The following GPAM variants were observed in gnomAD, a reference collection of about 807,000 sequenced individuals.
The protein encoded by GPAM is glycerol-3-phosphate acyltransferase 1, mitochondrial.
GPAM carries 56 observed loss-of-function variants against 105.0 expected under a neutral mutation model. The ratio of observed to expected loss-of-function variants is 0.53; its 90% CI spans 0.43 to 0.67. GPAM has a LOEUF of 0.67. Ranked by LOEUF, GPAM falls within the 30% of genes least tolerant of loss-of-function variation. The pLI is 0.00. For synonymous variants in GPAM, 368 were observed against 354.4 expected, an observed-to-expected ratio of 1.04 and a Z score of -0.43; for missense variants, 855 against 989.8, an observed-to-expected ratio of 0.86 and a Z score of 1.83.
chr10:112,227,067 C>A, the GPAM span, among the ~76,000 whole-genome samples: 2 of 152,222 alleles, frequency 1.3e-5, no homozygotes, highest in Admixed American at 6.5e-5. Flanking sequence ...TTTCTCCCAA[C>A]ACCGTGACCC....
the GPAM span, among the ~76,000 whole-genome samples, chr10:112,224,288 A>C: frequency 6.6e-6 from 1 of 152,218 alleles, no homozygotes; most frequent in Non-Finnish European, 1.5e-5. Flanking sequence ...TATTTCATAC[A>C]CAATGATCAT....
At chr10:112,192,530 G>T (rs1399973889) in intron 1 of GPAM, among the ~76,000 whole-genome samples, 1 of 152,140 alleles carries the variant, frequency 6.6e-6, no homozygotes, top group Non-Finnish European at 1.5e-5. Context: ...GCAGGGCCTG[G>T]CCAAGACAGG....
Position 112,164,565 on chromosome 10 carries a change from A to G in GPAM, c.1267T>C (p.Ser423Pro). The G allele has an allele frequency of 1.2e-6, 2 of 1,607,600 alleles. No individual in the cohort carries two copies. Among genetic ancestry groups the G allele is most frequent in the Non-Finnish European group, 1.7e-6 (2 of 1,174,108 alleles). The change falls in exon 13 of 22, where the codon TCC becomes CCC. Residue 423 changes from serine to proline, a missense_variant. Physicochemically the swap from Ser to Pro is moderately conservative, Grantham distance 74. Coordinates refer to ENST00000348367, the MANE Select transcript of GPAM (RefSeq NM_001244949.2). Reference protein sequence around the residue: ...QSQKPVSALLSLEQALLPAIL... With the variant: ...QSQKPVSALLPLEQALLPAIL... The stretch of plus-strand genomic sequence containing the variant: ...GCTGGTAACAACGCTTGCTCCAGGG[A>G]AAGTAGAGCAGACACCGGTTTCTGA...
chr10:112,153,812 TG>T (rs1229357704), intron 21 of GPAM, 146 bp from the exon 22 acceptor site: 3 of 769,062 alleles, frequency 3.9e-6, no homozygotes, highest in Non-Finnish European at 6.2e-6. Flanking sequence ...AATGTATGCC[TG>T]GGTGTGTGTG....
upstream of GPAM, among the ~76,000 whole-genome samples, chr10:112,187,285 G>GA (rs1431040802): frequency 6.6e-6 from 1 of 151,528 alleles, no homozygotes; most frequent in African/African-American, 2.4e-5. Flanking sequence ...TGTCAGACTG[G>GA]AAAAAAAATG....
At chr10:112,156,706 A>G (rs963183274) in intron 19 of GPAM, 2 of 165,734 alleles carry the variant, frequency 1.2e-5, no homozygotes, top group African/African-American at 4.8e-5. Context: ...AAATGTCAAA[A>G]AAGAGTAATC....
Position 112,157,238 on chromosome 10 carries a change from C to T in GPAM, c.2121+11G>A, listed in dbSNP as rs1847033160. On this transcript the variant is annotated intron_variant, in intron 19 of 21. Transcript: ENST00000348367. Reference sequence around the variant, plus strand: ...CCCTGTAATATCCACCAGAATTCTTCACCCAAGTACCTTCAGGTAGCAATC... The same window carrying T: ...CCCTGTAATATCCACCAGAATTCTTTACCCAAGTACCTTCAGGTAGCAATC... 2 of 1,611,570 alleles carry T rather than the reference C, an allele frequency of 1.2e-6. No individual in the cohort carries two copies. Among genetic ancestry groups the T allele is most frequent in the Non-Finnish European group, 1.7e-6 (2 of 1,177,634 alleles).
At chr10:112,178,187 G>A in intron 4 of GPAM, 130 bp from the exon 5 acceptor site, 1 of 611,220 alleles carries the variant, frequency 1.6e-6, no homozygotes, top group South Asian at 1.9e-5. Flanking sequence ...TCTTAGGGAA[G>A]AAAAAAGTTT....
chr10:112,208,762 T>C (rs997043724), intron 1 of GPAM, among the ~76,000 whole-genome samples: 1 of 152,168 alleles, frequency 6.6e-6, no homozygotes, highest in African/African-American at 2.4e-5. Flanking sequence ...AAATTAAACA[T>C]AAATTGCCAA....
intron 16 of GPAM, chr10:112,160,399 TA>T: frequency 1.1e-6 from 1 of 947,512 alleles, no homozygotes; most frequent in Non-Finnish European, 1.3e-6. Context: ...AAAATAAGGG[TA>T]ATGCTATACA....
In GPAM at chr10:112,178,006, A is replaced by T; in HGVS notation, c.277T>A (p.Tyr93Asn). ...IPSLGLRNVI[Y>N]INETHTRHRG... ...TACCTTGTGTGAGTTTCATTGATAT[A>T]AATAACATTCCGCAAACCCAAAGAC... The change falls in exon 5 of 22, where the codon TAT becomes AAT. Residue 93 changes from tyrosine (Y) to asparagine (N), a missense_variant. By Grantham distance (143) the Tyr-to-Asn change is moderately radical. Coordinates refer to ENST00000348367, the MANE Select transcript of GPAM (RefSeq NM_001244949.2). 1 of 1,597,152 alleles carries T rather than the reference A, an allele frequency of 6.3e-7. No homozygotes were observed. The highest frequency in any genetic ancestry group is 8.6e-7 in the Non-Finnish European group (1 of 1,164,896).
intron 1 of GPAM, among the ~76,000 whole-genome samples, chr10:112,190,295 A>G (rs1405703112): frequency 6.6e-6 from 1 of 151,968 alleles, no homozygotes; most frequent in Non-Finnish European, 1.5e-5. Context: ...CACAGGGTCT[A>G]GAGATCAAGA....
chr10:112,170,323 G>A (rs1235758880), intron 9 of GPAM, among the ~76,000 whole-genome samples: 1 of 152,196 alleles, frequency 6.6e-6, no homozygotes, highest in Non-Finnish European at 1.5e-5. Context: ...CTGAGAAGTG[G>A]TTTGTGAATG....
chr10:112,158,479 C>A (rs1847059271), intron 17 of GPAM, 86 bp from the exon 18 acceptor site: 11 of 831,938 alleles, frequency 1.3e-5, no homozygotes, highest in Middle Eastern at 2.8e-4. Flanking sequence ...AGGTAGCTGC[C>A]AAAGCCTTCC....
chr10:112,207,099 G>C (rs1038161371), intron 1 of GPAM, among the ~76,000 whole-genome samples: 2 of 152,208 alleles, frequency 1.3e-5, no homozygotes, highest in African/African-American at 4.8e-5. Flanking sequence ...TTCTCAACCA[G>C]AGGTGATTTT....
chr10:112,157,168 ACCAGGACT>A (rs1342797034), intron 19 of GPAM, 73 bp downstream of exon 19: 4 of 1,223,390 alleles, frequency 3.3e-6, no homozygotes, highest in Non-Finnish European at 4.9e-6. Flanking sequence ...AGAAGACATC[ACCAGGACT>A]CCAGCTGATC....
At chr10:112,154,924 G>C in intron 20 of GPAM, 1 of 582,712 alleles carries the variant, frequency 1.7e-6, no homozygotes, top group East Asian at 2.9e-5. Flanking sequence ...AAGGGAAGGG[G>C]AAAGAAAAGA....
rs1458845092 is a variant in GPAM, at chr10:112,180,495, TAAC to T, written c.200_202del (p.Cys67del). On this transcript the variant is annotated inframe_deletion, in exon 4 of 22. Coordinates refer to ENST00000348367, the MANE Select transcript of GPAM (RefSeq NM_001244949.2). ...TACCCAGCTCTGGGGAGTGCAGGAGTAACAACATCTTCCAACAAATGGCCTTTT... is the reference window on the plus strand; with the variant it reads ...TACCCAGCTCTGGGGAGTGCAGGAGTAACATCTTCCAACAAATGGCCTTTT... The T allele has an allele frequency of 5.0e-6, 8 of 1,613,504 alleles. No individual in the cohort carries two copies. The highest frequency in any genetic ancestry group is 6.8e-6 in the Non-Finnish European group (8 of 1,179,620).
intron 9 of GPAM, among the ~76,000 whole-genome samples, chr10:112,169,172 G>A (rs573258125): frequency 1.3e-5 from 2 of 152,056 alleles, no homozygotes; most frequent in Non-Finnish European, 2.9e-5. Flanking sequence ...TGTGTATAAT[G>A]AGCCTCTATT....
Sources: allele counts gnomAD v4.1 joint callset (sites outside exome capture counted in the v4.1 genomes callset), GRCh38; gene constraint gnomAD v4.1.1; transcripts MANE v1.5; gene names NCBI Gene and HGNC (gene_info 2026-07-23, HGNC 2026-07-21).